BLTP1: variants seen among roughly 807,000 people sequenced by gnomAD.
BLTP1 encodes the protein fragile site-associated protein.
chr4:122,172,094 TA>T, the BLTP1 span, among the ~76,000 whole-genome samples: 2 of 152,046 alleles, frequency 1.3e-5, no homozygotes, highest in African/African-American at 2.4e-5. Context: ...TTTTTTTTTT[TA>T]AAATGGCAAA....
the BLTP1 span, chr4:122,334,402 C>T: frequency 1.2e-6 from 2 of 1,612,756 alleles, no homozygotes; most frequent in Non-Finnish European, 1.7e-6. Flanking sequence ...AGGGGATCTT[C>T]CTTGCCAAGA....
At chr4:122,318,127 C>T in the BLTP1 span, 4 of 1,586,014 alleles carry the variant, frequency 2.5e-6, no homozygotes, top group Non-Finnish European at 3.4e-6. Context: ...CAATAATTGC[C>T]ATATTTGTTT....
At chr4:122,303,711 T>C in the BLTP1 span, among the ~76,000 whole-genome samples, 3 of 152,124 alleles carry the variant, frequency 2.0e-5, no homozygotes, top group African/African-American at 7.2e-5. Context: ...AGGGTGGAAA[T>C]AGCAAGGGAA....
At chr4:122,286,304 C>A in the BLTP1 span, 1 of 339,630 alleles carries the variant, frequency 2.9e-6, no homozygotes. Context: ...TAACACACTG[C>A]CAGTCTTAAT....
chr4:122,312,828 C>A, the BLTP1 span: 4 of 794,920 alleles, frequency 5.0e-6, no homozygotes, highest in Admixed American at 6.3e-5. Flanking sequence ...CATTTGAATA[C>A]CAATTTAGGA....
the BLTP1 span, chr4:122,356,123 C>T: frequency 3.0e-6 from 2 of 662,906 alleles, no homozygotes. Flanking sequence ...GATTTATTTT[C>T]TTATCAGCTA....
At chr4:122,327,748 C>T in the BLTP1 span, 739 of 154,450 alleles carry the variant, frequency 4.8e-3, 10 homozygotes, top group Non-Finnish European at 7.0e-3. Flanking sequence ...ACTGATACTG[C>T]ATGCTCTTCC....
At chr4:122,266,953 A>G in the BLTP1 span, 1 of 1,551,952 alleles carries the variant, frequency 6.4e-7, no homozygotes, top group Non-Finnish European at 8.7e-7. Context: ...GCAAAAGAGC[A>G]AGAAGGTGTC....
At chr4:122,233,544 A>G in the BLTP1 span, among the ~76,000 whole-genome samples, 7 of 152,318 alleles carry the variant, frequency 4.6e-5, no homozygotes, top group East Asian at 9.6e-4. Flanking sequence ...TGGTGTTTTA[A>G]GATATCTTTG....
chr4:122,300,399 A>T, the BLTP1 span, among the ~76,000 whole-genome samples: 2 of 152,022 alleles, frequency 1.3e-5, no homozygotes, highest in Non-Finnish European at 2.9e-5. Flanking sequence ...TCATTCTTTC[A>T]TTCCCTTTCT....
chr4:122,319,158 C>G, the BLTP1 span, among the ~76,000 whole-genome samples: 1 of 151,932 alleles, frequency 6.6e-6, no homozygotes, highest in Non-Finnish European at 1.5e-5. Context: ...TTTTATTGAT[C>G]TTTTCAAAGA....
At chr4:122,350,616 G>A in the BLTP1 span, among the ~76,000 whole-genome samples, 1 of 152,122 alleles carries the variant, frequency 6.6e-6, no homozygotes, top group Admixed American at 6.6e-5. Flanking sequence ...GAAGTGCTAA[G>A]CAAAAGAACA....
the BLTP1 span, chr4:122,347,452 T>C: frequency 6.5e-7 from 1 of 1,531,114 alleles, no homozygotes; most frequent in African/African-American, 1.4e-5. Context: ...ATGGGTGAAC[T>C]TATTTTATAA....
At chr4:122,163,190 T>A in the BLTP1 span, among the ~76,000 whole-genome samples, 1 of 152,070 alleles carries the variant, frequency 6.6e-6, no homozygotes, top group Admixed American at 6.5e-5. Context: ...TGGGAAATGA[T>A]CATAGGAAAC....
chr4:122,254,311 C>T, the BLTP1 span: 4 of 1,612,636 alleles, frequency 2.5e-6, no homozygotes, highest in East Asian at 4.5e-5. Context: ...TTGCAGCTCC[C>T]ACCAATGTGA....
chr4:122,209,900 G>T, the BLTP1 span: 23 of 1,613,346 alleles, frequency 1.4e-5, no homozygotes, highest in Admixed American at 3.8e-4. Context: ...TCCACAAAAA[G>T]CAGATGAACA....
chr4:122,264,339 A>G, the BLTP1 span: 1 of 1,611,962 alleles, frequency 6.2e-7, no homozygotes, highest in East Asian at 2.2e-5. Context: ...GATGGGACAC[A>G]TTCTCAGCAT....
chr4:122,323,065 GTTT>G, the BLTP1 span, among the ~76,000 whole-genome samples: 5 of 152,190 alleles, frequency 3.3e-5, no homozygotes, highest in East Asian at 5.8e-4. Context: ...TCCCCCTGGA[GTTT>G]TTAACTCTCA....
the BLTP1 span, chr4:122,245,999 C>T: frequency 6.5e-6 from 3 of 463,118 alleles, no homozygotes; most frequent in African/African-American, 2.1e-5. Context: ...CCTAGCTTAT[C>T]GAAAGTTTGG....
Sources: allele counts gnomAD v4.1 joint callset (sites outside exome capture counted in the v4.1 genomes callset), GRCh38; gene constraint gnomAD v4.1.1; transcripts MANE v1.5; gene names NCBI Gene and HGNC (gene_info 2026-07-23, HGNC 2026-07-21).